Variants in ALK observed in about 807,000 individuals in gnomAD.
The protein encoded by ALK is ALK receptor tyrosine kinase, also known as ALK tyrosine kinase receptor.
Under a neutral mutation model 163.1 loss-of-function variants are expected in ALK, and 74 were observed. The ratio of observed to expected loss-of-function variants is 0.45; its 90% CI spans 0.38 to 0.55. The LOEUF is 0.55. Among genes scored for constraint, ALK ranks in the 20% least tolerant of loss-of-function variants. The pLI, the probability that ALK is intolerant of heterozygous loss-of-function variation, is 0.00. For missense variants in ALK, 2,063 were observed against 2,105.3 expected (o/e 0.98, Z 0.39); for synonymous variants, 960 against 843.2 (o/e 1.14, Z -2.40).
chr2:29,679,434 C>T (rs959385991), intron 3 of ALK, among the ~76,000 whole-genome samples: 12 of 150,562 alleles, frequency 8.0e-5, no homozygotes, highest in African/African-American at 2.9e-4. Flanking sequence ...TCCTTTGTTT[C>T]TTCCTTGCTT....
At chr2:29,257,560 A>C (rs899253414) in intron 11 of ALK, among the ~76,000 whole-genome samples, 3 of 152,254 alleles carry the variant, frequency 2.0e-5, no homozygotes, top group African/African-American at 7.2e-5. Flanking sequence ...CAAAGAAATA[A>C]AGCATAATAC....
At chr2:29,571,281 G>C (rs1042078480) in intron 3 of ALK, among the ~76,000 whole-genome samples, 1 of 152,148 alleles carries the variant, frequency 6.6e-6, no homozygotes, top group Non-Finnish European at 1.5e-5. Context: ...ATGTGGTTTG[G>C]TTCTGTGTCC....
intron 1 of ALK, among the ~76,000 whole-genome samples, chr2:29,796,692 AAGCAACCTAGCTATTC>A (rs1664318523): frequency 6.6e-6 from 1 of 152,178 alleles, no homozygotes; most frequent in Non-Finnish European, 1.5e-5. Flanking sequence ...TCTTTTCTCT[AAGCAACCTAGCTATTC>A]AGCAGCTGTT....
At chr2:29,358,426 T>G (rs902697965) in intron 5 of ALK, among the ~76,000 whole-genome samples, 12 of 152,204 alleles carry the variant, frequency 7.9e-5, no homozygotes, top group African/African-American at 2.7e-4. Flanking sequence ...CACATAAATA[T>G]TTAAGCCTCA....
At chr2:29,519,267 C>T (rs972878265) in intron 4 of ALK, among the ~76,000 whole-genome samples, 11 of 152,252 alleles carry the variant, frequency 7.2e-5, no homozygotes, top group African/African-American at 2.6e-4. Context: ...GCCAGATGGG[C>T]TTTGGAAGAG....
At chr2:29,872,088 A>G (rs1353525293) in intron 1 of ALK, among the ~76,000 whole-genome samples, 1 of 152,000 alleles carries the variant, frequency 6.6e-6, no homozygotes, top group Non-Finnish European at 1.5e-5. Context: ...GAAACCTCAC[A>G]CTCTCCACTT....
chr2:29,473,469 T>C (rs1366431407), intron 4 of ALK, among the ~76,000 whole-genome samples: 3 of 152,190 alleles, frequency 2.0e-5, no homozygotes, highest in Non-Finnish European at 2.9e-5. Flanking sequence ...GGAGAAAATA[T>C]CTGCAATATT....
chr2:29,496,222 T>C (rs900449568), intron 4 of ALK, among the ~76,000 whole-genome samples: 14 of 152,276 alleles, frequency 9.2e-5, no homozygotes, highest in African/African-American at 2.4e-4. Context: ...CATATGCTTA[T>C]AAACAGCTTT....
chr2:29,738,137 A>C (rs992174809), intron 1 of ALK, among the ~76,000 whole-genome samples: 7 of 151,894 alleles, frequency 4.6e-5, no homozygotes, highest in Non-Finnish European at 2.9e-5. Context: ...TATTATACTC[A>C]TTCAATTATT....
intron 3 of ALK, among the ~76,000 whole-genome samples, chr2:29,667,479 A>T (rs2262585): frequency 6.6e-6 from 1 of 151,750 alleles, no homozygotes; most frequent in Non-Finnish European, 1.5e-5. Context: ...GTTATTTTGC[A>T]GTATGTTCCT....
intron 3 of ALK, among the ~76,000 whole-genome samples, chr2:29,679,955 G>A (rs1471311437): frequency 6.6e-6 from 1 of 151,948 alleles, no homozygotes; most frequent in Admixed American, 6.6e-5. Context: ...AGTTTTGCTT[G>A]ATATCAAAAA....
At chr2:29,692,985 G>A (rs1178337569) in intron 3 of ALK, among the ~76,000 whole-genome samples, 3 of 152,212 alleles carry the variant, frequency 2.0e-5, no homozygotes, top group Non-Finnish European at 4.4e-5. Flanking sequence ...ATACAAGGGT[G>A]AAAACATGCA....
chr2:29,656,512 C>T (rs757514028), intron 3 of ALK, among the ~76,000 whole-genome samples: 2 of 152,146 alleles, frequency 1.3e-5, no homozygotes, highest in Non-Finnish European at 2.9e-5. Context: ...GGTAATAGTG[C>T]TAGCTAATAT....
At chr2:29,327,303 G>GC (rs1667296633) in intron 6 of ALK, among the ~76,000 whole-genome samples, 2 of 152,144 alleles carry the variant, frequency 1.3e-5, no homozygotes, top group Admixed American at 1.3e-4. Context: ...CAGACGCTGT[G>GC]CCAGGAATCA....
chr2:29,399,385 A>C (rs1434036961), intron 4 of ALK, among the ~76,000 whole-genome samples: 1 of 152,218 alleles, frequency 6.6e-6, no homozygotes, highest in Non-Finnish European at 1.5e-5. Context: ...ACCATCTAAG[A>C]GGGCTCCCTG....
At chr2:29,453,129 G>A (rs1295570007) in intron 4 of ALK, among the ~76,000 whole-genome samples, 2 of 152,182 alleles carry the variant, frequency 1.3e-5, no homozygotes, top group Admixed American at 6.5e-5. Context: ...CAGTAATTAT[G>A]TTTTAGTTAG....
At chr2:29,457,629 A>G (rs960440870) in intron 4 of ALK, among the ~76,000 whole-genome samples, 1 of 152,098 alleles carries the variant, frequency 6.6e-6, no homozygotes, top group Admixed American at 6.5e-5. Flanking sequence ...TTCAAACAAC[A>G]CTATGAATCA....
chr2:29,253,929 AAATCTCATCTT>A, intron 11 of ALK, among the ~76,000 whole-genome samples: 1 of 152,302 alleles, frequency 6.6e-6, no homozygotes, highest in East Asian at 1.9e-4. Flanking sequence ...GTCCCCACCG[AAATCTCATCTT>A]GAATTGTAGT....
At chr2:29,821,548 C>T (rs1002286753) in intron 1 of ALK, among the ~76,000 whole-genome samples, 1 of 152,144 alleles carries the variant, frequency 6.6e-6, no homozygotes, top group African/African-American at 2.4e-5. Flanking sequence ...CTGAAAGGTC[C>T]AAGACCAACC....
Sources: gnomAD v4.1 joint callset for allele counts (sites outside exome capture counted in the v4.1 genomes callset) on GRCh38, gnomAD v4.1.1 for gene constraint, MANE v1.5 for transcripts, NCBI Gene and HGNC (gene_info 2026-07-23, HGNC 2026-07-21) for gene names.